Variants in DMXL2 observed in about 807,000 individuals in gnomAD.
DMXL2 encodes dmX-like protein 2.
DMXL2 carries 103 observed loss-of-function variants against 331.1 expected under a neutral mutation model. The ratio of observed to expected loss-of-function variants is 0.31; its 90% CI spans 0.27 to 0.37. DMXL2 has a LOEUF of 0.37. DMXL2 is among the 10% of genes least tolerant of loss of function. DMXL2 has a pLI of 1.00. For synonymous variants in DMXL2, 1,281 were observed against 1,252.1 expected (o/e 1.02, Z -0.49); for missense variants, 3,171 against 3,642.9 (o/e 0.87, Z 3.33).
intron 16 of DMXL2, among the ~76,000 whole-genome samples, chr15:51,503,253 A>C (rs2043811240): frequency 6.6e-6 from 1 of 152,234 alleles, no homozygotes; most frequent in African/African-American, 2.4e-5. Flanking sequence ...TCAGTATATC[A>C]AAGGGATAAC....
intron 9 of DMXL2, among the ~76,000 whole-genome samples, chr15:51,540,332 C>T (rs189833321): frequency 6.6e-6 from 1 of 152,164 alleles, no homozygotes; most frequent in Non-Finnish European, 1.5e-5. Flanking sequence ...ATGTTCCTCA[C>T]ATGCAATAAC....
rs1446792763 is a variant in DMXL2, at chr15:51,622,372, T to A, written c.87+87A>T. 37 of 1,525,436 alleles carry A rather than the reference T, an allele frequency of 2.4e-5. No homozygotes were observed. In the East Asian group the frequency reaches 9.1e-4, roughly 38 times the overall value. The allele number at this position is 1,525,436 out of a possible 1,614,324, so 94.5% of individuals were successfully genotyped here. A position where few individuals can be genotyped will look rare whatever the true frequency, so the allele number is the denominator to read the frequency against. ...GGCCCACCAACATCTCACAGCCTCC[T>A]GAGGAGGCGTGCGCCCTGGACAGGA... On this transcript the variant is annotated intron_variant, in intron 1 of 43. Transcript: ENST00000560891.
At chr15:51,461,494 G>C (rs377335472) in intron 33 of DMXL2, among the ~76,000 whole-genome samples, 1 of 152,168 alleles carries the variant, frequency 6.6e-6, no homozygotes, top group South Asian at 2.1e-4. Flanking sequence ...AAAACACTCA[G>C]AAAATTGATC....
At position 51,459,700 on chromosome 15, in the gene DMXL2, A is replaced by G. The variant is rs1383379603; in HGVS notation, c.7927-40T>C. The G allele has an allele frequency of 2.3e-6, 3 of 1,288,338 alleles. No homozygotes were observed. In the African/African-American group the frequency reaches 4.6e-5, roughly 20 times the overall value. 79.8% of individuals were successfully genotyped at this position (1,288,338 alleles called of 1,614,324 possible). On this transcript the variant is annotated intron_variant, in intron 33 of 43. Transcript: ENST00000560891. ...ACCGTCACAAACACAAAACACATGC[A>G]TGGAATGAAATTATAAAGACAGTGA...
chr15:51,471,787 G>T (rs2041137505), intron 28 of DMXL2, among the ~76,000 whole-genome samples: 1 of 152,176 alleles, frequency 6.6e-6, no homozygotes, highest in Admixed American at 6.5e-5. Flanking sequence ...AAGGGCAGAA[G>T]TTCAATGGGA....
At chr15:51,616,452 G>C (rs1334554140) in intron 1 of DMXL2, among the ~76,000 whole-genome samples, 1 of 152,176 alleles carries the variant, frequency 6.6e-6, no homozygotes, top group Non-Finnish European at 1.5e-5. Flanking sequence ...GATTACATGA[G>C]CTATCTTTAA....
Position 51,498,927 on chromosome 15 carries a change from C to T in DMXL2, c.4297G>A (p.Ala1433Thr), listed in dbSNP as rs761900777. Residue 1433 changes from alanine (A) to threonine (T), a missense_variant, in exon 18 of 44, where the codon GCA becomes ACA. Physicochemically the swap from Ala to Thr is moderately conservative, Grantham distance 58 (BLOSUM62 0). Transcript: ENST00000560891. Reference sequence around the variant, plus strand: ...GTATCTTGATCTGCAGCAAGTAATGCATATAGTGGTAGTGGAGGGATAGAA... The same window carrying T: ...GTATCTTGATCTGCAGCAAGTAATGTATATAGTGGTAGTGGAGGGATAGAA... ...IDSIPPLPLY[A>T]LLAADQDTSY... 6.2e-7 allele frequency: 1 copy of T among 1,614,102 alleles called. No individual in the cohort carries two copies. The highest frequency in any genetic ancestry group is 1.1e-5 in the South Asian group (1 of 91,078).
Position 51,481,176 on chromosome 15 carries a change from T to A in DMXL2, c.5930A>T (p.Asp1977Val). 1 of 1,613,780 alleles carries A rather than the reference T, an allele frequency of 6.2e-7. No homozygotes were observed. Among genetic ancestry groups the A allele is most frequent in the Non-Finnish European group, 8.5e-7 (1 of 1,179,806 alleles). The change falls in exon 24 of 44, where the codon GAT becomes GTT. Residue 1977 changes from aspartate (D) to valine (V), a missense_variant. Asp to Val is a radical substitution (Grantham distance 152). Coordinates refer to ENST00000560891, the MANE Select transcript of DMXL2 (RefSeq NM_001378457.1). ...GGCACTGTCGTGATCTTCACCCCAA[T>A]CAAGATTAAGAGGTTCCTCATCAAC... is the stretch of plus-strand genomic sequence containing the variant. Reference protein sequence around the residue: ...VKVDEEPLNLDWGEDHDSALD... With the variant: ...VKVDEEPLNLVWGEDHDSALD...
chr15:51,495,849 A>T (rs543602527), intron 18 of DMXL2, among the ~76,000 whole-genome samples: 1 of 152,124 alleles, frequency 6.6e-6, no homozygotes, highest in South Asian at 2.1e-4. Flanking sequence ...TCCAGAAAAA[A>T]AAAAACAAAA....
At chr15:51,568,149 T>C in intron 3 of DMXL2, 1 of 207,114 alleles carries the variant, frequency 4.8e-6, no homozygotes, top group Non-Finnish European at 9.5e-6. Context: ...CATGATCTCC[T>C]CTGTTGAGAA....
intron 1 of DMXL2, among the ~76,000 whole-genome samples, chr15:51,585,171 T>C (rs988964640): frequency 3.0e-5 from 3 of 98,988 alleles, no homozygotes; most frequent in Non-Finnish European, 6.1e-5. Flanking sequence ...CTATGTTGAA[T>C]AGGAGCGGTG....
intron 18 of DMXL2, 51 bp downstream of exon 18, chr15:51,498,501 C>G: frequency 6.5e-7 from 1 of 1,533,484 alleles, no homozygotes; most frequent in Non-Finnish European, 8.8e-7. Flanking sequence ...AGAGATAATA[C>G]AAATATTTCT....
intron 6 of DMXL2, among the ~76,000 whole-genome samples, chr15:51,551,785 T>C (rs2049237830): frequency 6.6e-6 from 1 of 152,192 alleles, no homozygotes; most frequent in Non-Finnish European, 1.5e-5. Context: ...AATAATAAAA[T>C]ACATTTCCTA....
chr15:51,498,788 G>A lies in DMXL2; in HGVS notation c.4436C>T (p.Thr1479Met), dbSNP rs774209955. The A allele has an allele frequency of 3.1e-5, 50 of 1,614,090 alleles. No homozygotes were observed. Among genetic ancestry groups the A allele is most frequent in the Admixed American group, 1.0e-4 (6 of 60,018 alleles). ...SELFQIQDIP[T>M]DDIDLEPEKR... is the part of the protein sequence containing the mutation. ...TTCAGGCTCTAAATCAATATCATCC[G>A]TTGGTATATCCTGGATTTGAAACAG... The change falls in exon 18 of 44, where the codon ACG (threonine) becomes ATG (methionine). Residue 1479 changes from threonine to methionine, a missense_variant. Around this residue, in one of 7 missense-constraint regions of DMXL2, gnomAD observed 1,674 missense variants for 1,780.2 expected, o/e 0.94. Transcript: ENST00000560891.
chr15:51,564,199 A>T lies in DMXL2; in HGVS notation c.426T>A (p.Ile142=). 1 of 1,608,758 alleles carries T rather than the reference A, an allele frequency of 6.2e-7. No individual in the cohort carries two copies. The highest frequency in any genetic ancestry group is 8.5e-7 in the Non-Finnish European group (1 of 1,177,574). Residue 142 remains isoleucine, a synonymous_variant, in exon 5 of 44, where the codon ATT becomes ATA. Coordinates refer to ENST00000560891, the MANE Select transcript of DMXL2 (RefSeq NM_001378457.1). The part of the protein sequence containing the change: ...IQLWAPPGDD[I]LEEEEEIDNT... ...TATCAATTTCTTCCTCCTCTTCCAG[A>T]ATATCATCTCCTGGAGGAGCCCACA...
At chr15:51,593,784 T>C (rs903783421) in intron 1 of DMXL2, among the ~76,000 whole-genome samples, 4 of 152,124 alleles carry the variant, frequency 2.6e-5, no homozygotes, top group African/African-American at 7.2e-5. Context: ...CTCAACTACA[T>C]GGAAACTCAA....
chr15:51,601,884 A>G (rs193056535), intron 1 of DMXL2, among the ~76,000 whole-genome samples: 1 of 152,352 alleles, frequency 6.6e-6, no homozygotes, highest in Non-Finnish European at 1.5e-5. Flanking sequence ...CATAGTATTT[A>G]TCTCCTTTAA....
At position 51,479,974 on chromosome 15, in the gene DMXL2, G is replaced by A. The variant is rs1257817175; in HGVS notation, c.6730C>T (p.Pro2244Ser). 1.3e-6 allele frequency: 2 copies of A among 1,520,666 alleles called. No homozygotes were observed. The highest frequency in any genetic ancestry group is 2.6e-5 in the South Asian group (2 of 77,288). The allele number at this position is 1,520,666 out of a possible 1,614,324, so 94.2% of individuals were successfully genotyped here. The change falls in exon 25 of 44, where the codon CCT becomes TCT. Residue 2244 changes from proline to serine, a missense_variant. Pro to Ser is a moderately conservative substitution (Grantham distance 74). This residue lies in a region of DMXL2 where 197 missense variants were observed against 196.2 expected (regional missense o/e 1.00). Transcript: ENST00000560891. ...TTCACATCTTCAATACTGGGATGAG[G>A]TGGTGTTTTCATCTGAACAATAGTA... ...LYTIVQMKTP[P>S]HPSIEDVKVH...
chr15:51,568,350 A>T (rs1327834479), intron 3 of DMXL2, 137 bp downstream of exon 3: 5 of 579,072 alleles, frequency 8.6e-6, no homozygotes, highest in Non-Finnish European at 1.5e-5. Context: ...GGATCCTAAC[A>T]TAAAGCACTA....
Sources: gnomAD v4.1 joint callset for allele counts (sites outside exome capture counted in the v4.1 genomes callset) on GRCh38, gnomAD v4.1.1 for gene constraint, gnomAD v4.1.1 regional missense constraint, MANE v1.5 for transcripts, NCBI Gene and HGNC (gene_info 2026-07-23, HGNC 2026-07-21) for gene names.